Variants in PREX2 observed in about 807,000 individuals in gnomAD.
PREX2 encodes the protein phosphatidylinositol 3,4,5-trisphosphate-dependent Rac exchanger 2 protein.
PREX2 carries 107 observed loss-of-function variants against 203.2 expected under a neutral mutation model. That is an observed-to-expected ratio of 0.53 (90% confidence interval 0.45 to 0.62). The LOEUF (loss-of-function observed/expected upper bound fraction) is 0.62, where lower values mean the gene tolerates loss of function less well. PREX2 is among the 20% of genes least tolerant of loss of function. The pLI is 0.00. For missense variants in PREX2, 1,777 were observed against 1,955.9 expected, an observed-to-expected ratio of 0.91 and a Z score of 1.72; for synonymous variants, 672 against 663.6, an observed-to-expected ratio of 1.01 and a Z score of -0.19.
chr8:68,060,516 T>A (rs374934822), intron 10 of PREX2, among the ~76,000 whole-genome samples, 163 bp from the exon 11 acceptor site: 1 of 152,262 alleles, frequency 6.6e-6, no homozygotes, highest in East Asian at 1.9e-4. Flanking sequence ...CTTAAATGGC[T>A]GTAGGCCTTA....
At chr8:68,131,725 A>G (rs999982530) in intron 31 of PREX2, among the ~76,000 whole-genome samples, 11 of 152,190 alleles carry the variant, frequency 7.2e-5, no homozygotes, top group African/African-American at 2.4e-4. Flanking sequence ...TTTTTCACAA[A>G]AGAAACTTGG....
chr8:68,106,145 T>C (rs1242408578), intron 23 of PREX2: 11 of 337,096 alleles, frequency 3.3e-5, no homozygotes, highest in South Asian at 1.4e-4. Flanking sequence ...GATAATTGTT[T>C]AAAATGGAAG....
At position 68,134,246 on chromosome 8, in the gene PREX2, T is replaced by C. The variant is rs1158831274; in HGVS notation, c.3954T>C (p.Phe1318=). 3.1e-6 allele frequency: 5 copies of C among 1,614,078 alleles called. No individual in the cohort carries two copies. Among genetic ancestry groups the C allele is most frequent in the Non-Finnish European group, 3.4e-6 (4 of 1,179,970 alleles). Residue 1318 remains phenylalanine (F), a synonymous_variant, in exon 32 of 40, where the codon TTT becomes TTC. Transcript: ENST00000288368. Reference sequence around the variant, plus strand: ...AGATAGCGAATGCAGGTGTTCTTTTTCACTTTCAGTCACTTCTGTCACCAA... The same window carrying C: ...AGATAGCGAATGCAGGTGTTCTTTTCCACTTTCAGTCACTTCTGTCACCAA... ...LDQIANAGVL[F]HFQSLLSPNL...
At chr8:68,061,882 A>T (rs185521141) in intron 11 of PREX2, among the ~76,000 whole-genome samples, 1 of 152,310 alleles carries the variant, frequency 6.6e-6, no homozygotes, top group Non-Finnish European at 1.5e-5. Context: ...GACAAAAACC[A>T]AGAAAGCAGT....
chr8:68,034,999 T>G (rs1807989330), intron 6 of PREX2, among the ~76,000 whole-genome samples: 1 of 151,692 alleles, frequency 6.6e-6, no homozygotes, highest in African/African-American at 2.4e-5. Context: ...GGCGCAAAAT[T>G]TCAATGAAGT....
chr8:67,977,990 T>C lies in PREX2; in HGVS notation c.141+25455T>C, dbSNP rs144039478. Among the ~76,000 whole-genome samples, 1,360 of 152,288 alleles carry C rather than the reference T, an allele frequency of 8.9e-3. 16 individuals carry two copies. The highest frequency in any genetic ancestry group is 0.03 in the African/African-American group (1,242 of 41,562). On this transcript the variant is annotated intron_variant, in intron 1 of 39. Coordinates refer to ENST00000288368, the MANE Select transcript of PREX2 (RefSeq NM_024870.4). ...AGTTCTGTTAGCTGCTCTCACAAAC[T>C]AATCATACCCAAGGAAGGGTGAGGG...
At chr8:67,958,978 A>G (rs904288426) in intron 1 of PREX2, among the ~76,000 whole-genome samples, 22 of 152,218 alleles carry the variant, frequency 1.4e-4, no homozygotes, top group Non-Finnish European at 2.5e-4. Flanking sequence ...TTGGGCCAAA[A>G]GTGAGAGATC....
intron 1 of PREX2, among the ~76,000 whole-genome samples, chr8:67,965,057 G>A (rs1372787555): frequency 1.3e-5 from 2 of 152,150 alleles, no homozygotes; most frequent in South Asian, 2.1e-4. Context: ...GTACACAGAA[G>A]CTAGAAATCA....
chr8:67,976,353 G>T, intron 1 of PREX2, among the ~76,000 whole-genome samples: 1 of 152,094 alleles, frequency 6.6e-6, no homozygotes. Context: ...CATGTGGAGA[G>T]ACCCTGGAAT....
At chr8:68,109,761 C>T in intron 25 of PREX2, 138 bp downstream of exon 25, 1 of 681,170 alleles carries the variant, frequency 1.5e-6, no homozygotes. Flanking sequence ...CCTCTTCATT[C>T]CAAAACCTTA....
At chr8:68,004,718 C>G (rs1483009512) in intron 1 of PREX2, among the ~76,000 whole-genome samples, 1 of 152,104 alleles carries the variant, frequency 6.6e-6, no homozygotes, top group Non-Finnish European at 1.5e-5. Context: ...AATCCATATT[C>G]CGTCAGGTAT....
intron 1 of PREX2, among the ~76,000 whole-genome samples, chr8:67,989,418 G>T (rs11995284): frequency 6.6e-6 from 1 of 151,840 alleles, no homozygotes; most frequent in Non-Finnish European, 1.5e-5. Context: ...GAAATATTAG[G>T]TTACTAAATA....
intron 30 of PREX2, among the ~76,000 whole-genome samples, chr8:68,126,457 A>G (rs1480983873): frequency 6.6e-6 from 1 of 152,106 alleles, no homozygotes; most frequent in Non-Finnish European, 1.5e-5. Context: ...CCACAAAGCT[A>G]GTATATAACA....
intron 38 of PREX2, among the ~76,000 whole-genome samples, chr8:68,223,049 T>G (rs1017895302): frequency 2.6e-5 from 4 of 152,210 alleles, no homozygotes; most frequent in Non-Finnish European, 4.4e-5. Flanking sequence ...AAAGGCAATA[T>G]GGGATCCTAG....
At chr8:68,054,173 A>G (rs1197845971) in intron 9 of PREX2, among the ~76,000 whole-genome samples, 1 of 152,246 alleles carries the variant, frequency 6.6e-6, no homozygotes, top group African/African-American at 2.4e-5. Flanking sequence ...TAGAATTTCC[A>G]AAACATTTTC....
chr8:68,115,174 T>C (rs2129612965), intron 25 of PREX2, among the ~76,000 whole-genome samples: 1 of 152,024 alleles, frequency 6.6e-6, no homozygotes, highest in East Asian at 1.9e-4. Flanking sequence ...ATTACAAGCA[T>C]GCGCCACCAC....
chr8:68,212,583 A>C (rs11775109), intron 37 of PREX2, among the ~76,000 whole-genome samples: 2,613 of 152,330 alleles, frequency 0.017, 32 homozygotes, highest in South Asian at 0.033. Flanking sequence ...CAAGCATTAT[A>C]AAATCCACAA....
chr8:68,038,027 A>G (rs1209652413), intron 6 of PREX2, 132 bp from the exon 7 acceptor site: 18 of 908,352 alleles, frequency 2.0e-5, no homozygotes. Context: ...AACTATCTCT[A>G]CTGCTTGCAC....
intron 35 of PREX2, among the ~76,000 whole-genome samples, chr8:68,187,297 A>G (rs368594314): frequency 1.3e-5 from 2 of 152,192 alleles, no homozygotes; most frequent in African/African-American, 4.8e-5. Context: ...GAAATTACAT[A>G]GATTCCAAAT....
Sources: gnomAD v4.1 joint callset for allele counts (sites outside exome capture counted in the v4.1 genomes callset) on GRCh38, gnomAD v4.1.1 for gene constraint, MANE v1.5 for transcripts, NCBI Gene and HGNC (gene_info 2026-07-23, HGNC 2026-07-21) for gene names.